The following CHD6 variants were observed in gnomAD, a reference collection of about 807,000 sequenced individuals.
The protein encoded by CHD6 is ATP-dependent chromatin remodeler CHD6.
A neutral mutation model predicts 276.9 loss-of-function variants in CHD6; 50 were observed. The ratio of observed to expected loss-of-function variants is 0.18; its 90% CI spans 0.14 to 0.23. CHD6 has a LOEUF of 0.23. CHD6 is among the 10% of genes least tolerant of loss of function. The pLI, the probability that CHD6 is intolerant of heterozygous loss-of-function variation, is 1.00. For synonymous variants in CHD6, 1,173 were observed against 1,229.3 expected, an observed-to-expected ratio of 0.95 and a Z score of 0.96; for missense variants, 2,564 against 3,365.8, an observed-to-expected ratio of 0.76 and a Z score of 5.89.
intron 27 of CHD6, among the ~76,000 whole-genome samples, chr20:41,429,130 C>G (rs957124185): frequency 4.6e-5 from 7 of 152,184 alleles, no homozygotes; most frequent in Non-Finnish European, 8.8e-5. Context: ...AACTGTGGCA[C>G]AGCACGGACA....
chr20:41,494,684 C>T (rs1188407210), intron 8 of CHD6, among the ~76,000 whole-genome samples: 1 of 152,150 alleles, frequency 6.6e-6, no homozygotes, highest in Non-Finnish European at 1.5e-5. Flanking sequence ...GAAGCTGAAG[C>T]CCTCCTCCAG....
At chr20:41,471,041 T>C (rs1450808451) in intron 17 of CHD6, among the ~76,000 whole-genome samples, 1 of 152,234 alleles carries the variant, frequency 6.6e-6, no homozygotes, top group Non-Finnish European at 1.5e-5. Flanking sequence ...ACTTTGTAAC[T>C]GTCAAGGACT....
chr20:41,593,997 A>G (rs1289500927), intron 1 of CHD6, among the ~76,000 whole-genome samples: 3 of 152,178 alleles, frequency 2.0e-5, no homozygotes, highest in Non-Finnish European at 4.4e-5. Context: ...TTGCTTAAAA[A>G]AAAAAAAAAA....
chr20:41,519,153 C>T (rs73611295), intron 3 of CHD6, among the ~76,000 whole-genome samples: 1,912 of 152,256 alleles, frequency 0.013, 14 homozygotes, highest in South Asian at 0.026. Context: ...CATGGTGGCG[C>T]AGGCCTGTGG....
chr20:41,443,905 T>C (rs6072373), intron 25 of CHD6, among the ~76,000 whole-genome samples: 39,873 of 152,076 alleles, frequency 0.26, 6,472 homozygotes, highest in East Asian at 0.49. Context: ...TGATCCACCT[T>C]GGTTTTCTGT....
intron 3 of CHD6, among the ~76,000 whole-genome samples, chr20:41,529,402 A>G (rs1035980525): frequency 6.6e-6 from 1 of 152,164 alleles, no homozygotes; most frequent in Non-Finnish European, 1.5e-5. Flanking sequence ...ATCAGGCCTG[A>G]GATTATAACA....
chr20:41,599,878 A>G (rs1404318296), intron 1 of CHD6, among the ~76,000 whole-genome samples: 1 of 152,208 alleles, frequency 6.6e-6, no homozygotes, highest in Non-Finnish European at 1.5e-5. Flanking sequence ...TCCATTTTAA[A>G]CACTAGCCAA....
At chr20:41,563,263 A>G (rs2045321186) in intron 1 of CHD6, among the ~76,000 whole-genome samples, 1 of 152,114 alleles carries the variant, frequency 6.6e-6, no homozygotes, top group Non-Finnish European at 1.5e-5. Context: ...CATTCTGAGA[A>G]CCTTCCTGTG....
At chr20:41,556,531 G>A (rs1341350524) in intron 1 of CHD6, among the ~76,000 whole-genome samples, 1 of 152,114 alleles carries the variant, frequency 6.6e-6, no homozygotes, top group East Asian at 1.9e-4. Flanking sequence ...CAGAGATGAG[G>A]TGGGTGAAAT....
Position 41,451,887 on chromosome 20 carries a change from G to T in CHD6, c.3462C>A (p.Phe1154Leu). 1 of 1,614,164 alleles carries T rather than the reference G, an allele frequency of 6.2e-7. No individual in the cohort carries two copies. Among genetic ancestry groups the T allele is most frequent in the Non-Finnish European group, 8.5e-7 (1 of 1,180,014 alleles). ...HYKGDEKIKS[F>L]IWELITPTKD... is the part of the protein sequence containing the mutation. ...TGGTAGGTGTGATCAGTTCCCAAAT[G>T]AAACTCTTGATCTTCTCGTCCCCCT... The change falls in exon 22 of 37, where the codon TTC becomes TTA. Residue 1154 changes from phenylalanine to leucine, a missense_variant. Physicochemically the swap from Phe to Leu is conservative, Grantham distance 22 (BLOSUM62 0). Coordinates refer to ENST00000373233, the MANE Select transcript of CHD6 (RefSeq NM_032221.5).
chr20:41,451,113 AG>A lies in CHD6; in HGVS notation c.3524-9del. 1 of 1,612,940 alleles carries A rather than the reference AG, an allele frequency of 6.2e-7. No individual in the cohort carries two copies. The highest frequency in any genetic ancestry group is 8.5e-7 in the Non-Finnish European group (1 of 1,179,312). On this transcript the variant is annotated splice_polypyrimidine_tract_variant and intron_variant, in intron 22 of 36. Coordinates refer to ENST00000373233, the MANE Select transcript of CHD6 (RefSeq NM_032221.5). ...GGACTGGGGCAGATAAGCCTGAAAC[AG>A]AAAGACAGCATAGGGCAAGTGGATA...
At chr20:41,616,159 G>A (rs2045932856) in intron 1 of CHD6, among the ~76,000 whole-genome samples, 2 of 152,106 alleles carry the variant, frequency 1.3e-5, no homozygotes, top group Admixed American at 6.5e-5. Flanking sequence ...CTTCTAACTT[G>A]TCTTTCAATT....
intron 1 of CHD6, among the ~76,000 whole-genome samples, chr20:41,566,650 C>T (rs1357159686): frequency 6.6e-6 from 1 of 152,176 alleles, no homozygotes; most frequent in African/African-American, 2.4e-5. Context: ...CAATCACATC[C>T]TCCCATGGGA....
intron 5 of CHD6, among the ~76,000 whole-genome samples, chr20:41,506,717 G>A (rs994060023): frequency 6.6e-6 from 1 of 152,108 alleles, no homozygotes; most frequent in Non-Finnish European, 1.5e-5. Flanking sequence ...CTCCCATGCC[G>A]TGTAGGTTCA....
intron 5 of CHD6, among the ~76,000 whole-genome samples, chr20:41,507,101 A>G (rs6102441): frequency 3.0e-4 from 46 of 152,316 alleles, no homozygotes; most frequent in Admixed American, 2.9e-3. Flanking sequence ...GCAAGCAAGC[A>G]TCCACACATG....
intron 1 of CHD6, among the ~76,000 whole-genome samples, chr20:41,575,959 G>A (rs1286968949): frequency 6.6e-6 from 1 of 151,998 alleles, no homozygotes; most frequent in Non-Finnish European, 1.5e-5. Context: ...AAAAAACTTT[G>A]GGAAATGAAT....
chr20:41,487,936 A>G, intron 13 of CHD6, 128 bp from the exon 14 acceptor site: 1 of 870,152 alleles, frequency 1.1e-6, no homozygotes, highest in Non-Finnish European at 1.8e-6. Flanking sequence ...TAATGAAAAG[A>G]TAATATGCCA....
chr20:41,558,468 C>T (rs941540458), intron 1 of CHD6, among the ~76,000 whole-genome samples: 10 of 152,076 alleles, frequency 6.6e-5, no homozygotes, highest in Admixed American at 4.6e-4. Context: ...AGGAAGAAGA[C>T]GTAAATGACG....
Position 41,426,125 on chromosome 20 carries a change from A to G in CHD6, c.4097T>C (p.Val1366Ala). The G allele has an allele frequency of 1.9e-6, 3 of 1,613,780 alleles. No homozygotes were observed. Among genetic ancestry groups the G allele is most frequent in the East Asian group, 4.5e-5 (2 of 44,880 alleles). Residue 1366 changes from valine to alanine, a missense_variant, in exon 28 of 37, where the codon GTT (valine) becomes GCT (alanine). Transcript: ENST00000373233. Reference sequence around the variant, plus strand: ...GCTGTCATCCTTCTTTTCGCTAAAAACGCCATCACCTCCATCACTGGAACT... The same window carrying G: ...GCTGTCATCCTTCTTTTCGCTAAAAGCGCCATCACCTCCATCACTGGAACT... ...TESSSDGGDG[V>A]FSEKKDDSRA...
Sources: allele counts gnomAD v4.1 joint callset (sites outside exome capture counted in the v4.1 genomes callset), GRCh38; gene constraint gnomAD v4.1.1; transcripts MANE v1.5; gene names NCBI Gene and HGNC (gene_info 2026-07-23, HGNC 2026-07-21).